Variants in CEP295 observed in about 807,000 individuals in gnomAD.
CEP295 encodes centrosomal protein 295.
Under a neutral mutation model 291.6 loss-of-function variants are expected in CEP295, and 190 were observed. The ratio of observed to expected loss-of-function variants is 0.65; its 90% CI spans 0.58 to 0.73. The LOEUF (loss-of-function observed/expected upper bound fraction) is 0.73. Ranked by LOEUF, CEP295 falls within the 30% of genes least tolerant of loss-of-function variation. CEP295 has a pLI of 0.00. For missense variants in CEP295, 2,863 were observed against 2,949.4 expected, an observed-to-expected ratio of 0.97 and a Z score of 0.68; for synonymous variants, 993 against 1,038.8, an observed-to-expected ratio of 0.96 and a Z score of 0.85.
chr11:93,664,078 G>T (rs1208181149), intron 1 of CEP295, among the ~76,000 whole-genome samples: 2 of 151,868 alleles, frequency 1.3e-5, no homozygotes, highest in African/African-American at 4.8e-5. Flanking sequence ...ACTTTTTTGT[G>T]TCTGGCTTTT....
At chr11:93,729,398 TA>T in intron 25 of CEP295, 35 bp from the exon 26 acceptor site, 2 of 1,425,114 alleles carry the variant, frequency 1.4e-6, no homozygotes, top group South Asian at 2.5e-5. Context: ...TTAAAGCGTT[TA>T]AAAAGAGTAA....
chr11:93,695,926 G>A (rs1042009777), intron 13 of CEP295, among the ~76,000 whole-genome samples: 3 of 152,070 alleles, frequency 2.0e-5, no homozygotes, highest in African/African-American at 4.8e-5. Flanking sequence ...CAGGAGAATC[G>A]CTTGAACCTG....
intron 10 of CEP295, among the ~76,000 whole-genome samples, chr11:93,690,255 C>A (rs528380466): frequency 6.6e-6 from 1 of 152,042 alleles, no homozygotes; most frequent in Non-Finnish European, 1.5e-5. Flanking sequence ...ACTAAAAATA[C>A]AAAAGATTAG....
At chr11:93,721,803 T>G (rs534976806) in intron 19 of CEP295, 151 bp from the exon 20 acceptor site, 26 of 721,712 alleles carry the variant, frequency 3.6e-5, no homozygotes, top group Non-Finnish European at 5.6e-5. Flanking sequence ...TTCTGGGCAA[T>G]GATGAAAAGG....
Position 93,691,788 on chromosome 11 carries a change from A to G in CEP295, c.1429+13A>G, listed in dbSNP as rs1289228451. ...GGAAAAGAACAAGGTATTTCTTTTT[A>G]TCACATCCTCAAATTAAATTTGACT... On this transcript the variant is annotated intron_variant, in intron 11 of 29. Transcript: ENST00000325212. 3 of 1,483,162 alleles carry G rather than the reference A, an allele frequency of 2.0e-6. No individual in the cohort carries two copies. The Admixed American group carries it at 6.4e-5, about 32-fold the overall frequency. 91.9% of individuals were successfully genotyped at this position (1,483,162 alleles called of 1,614,324 possible).
In CEP295 at chr11:93,702,763, A is replaced by AT. The variant is rs1311618704; in HGVS notation, c.5453-11dup. On this transcript the variant is annotated splice_polypyrimidine_tract_variant and intron_variant, in intron 16 of 29. Coordinates refer to ENST00000325212, the MANE Select transcript of CEP295 (RefSeq NM_033395.2). ...ATTTTGTATTGTATCCAACTTTGTCATTGACTTAATAGGTGAGCATCTGGA... is the reference window on the plus strand; with the variant it reads ...ATTTTGTATTGTATCCAACTTTGTCATTTGACTTAATAGGTGAGCATCTGGA... 1.3e-6 allele frequency: 2 copies of AT among 1,549,990 alleles called. No individual in the cohort carries two copies. Among genetic ancestry groups the AT allele is most frequent in the Non-Finnish European group, 1.7e-6 (2 of 1,146,512 alleles).
In CEP295 at chr11:93,687,674, C is replaced by A. The variant is rs1591025201; in HGVS notation, c.1145C>A (p.Pro382His). The A allele has an allele frequency of 6.5e-7, 1 of 1,537,430 alleles. No individual in the cohort carries two copies. Among genetic ancestry groups the A allele is most frequent in the East Asian group, 2.5e-5 (1 of 40,814 alleles). Reference sequence around the variant, plus strand: ...TTGGTAATGAAGACCCAACAGATTCCTTCAAAAGTTCTTTTTAAAAAATTA... The same window carrying A: ...TTGGTAATGAAGACCCAACAGATTCATTCAAAAGTTCTTTTTAAAAAATTA... Reference protein sequence around the residue: ...VPLVMKTQQIPSKVLFKKLLN... With the variant: ...VPLVMKTQQIHSKVLFKKLLN... Residue 382 changes from proline to histidine, a missense_variant, in exon 10 of 30, where the codon CCT becomes CAT. Physicochemically the swap from Pro to His is moderately conservative, Grantham distance 77. Around this residue, in one of 3 missense-constraint regions of CEP295, gnomAD observed 554 missense variants for 576.0 expected, o/e 0.96. Transcript: ENST00000325212.
At chr11:93,694,444 AT>A (rs1192601893) in intron 12 of CEP295, among the ~76,000 whole-genome samples, 2 of 152,030 alleles carry the variant, frequency 1.3e-5, no homozygotes, top group African/African-American at 4.8e-5. Flanking sequence ...TCAGCGTATA[AT>A]TTTTTTTCTT....
intron 18 of CEP295, among the ~76,000 whole-genome samples, chr11:93,716,137 C>T (rs1006438959): frequency 2.0e-5 from 3 of 152,114 alleles, no homozygotes; most frequent in African/African-American, 7.2e-5. Context: ...TAAATTTAGC[C>T]CGTAGTGACA....
At chr11:93,712,084 G>T (rs1176026856) in intron 18 of CEP295, among the ~76,000 whole-genome samples, 2 of 152,000 alleles carry the variant, frequency 1.3e-5, no homozygotes, top group Non-Finnish European at 2.9e-5. Flanking sequence ...CTGGGGTCTA[G>T]CTATCTCTTT....
chr11:93,665,871 A>T (rs1422680266), intron 1 of CEP295, among the ~76,000 whole-genome samples: 1 of 152,212 alleles, frequency 6.6e-6, no homozygotes, highest in African/African-American at 2.4e-5. Flanking sequence ...TTGGTGATCA[A>T]GTTATATGCA....
In CEP295 at chr11:93,698,178, T is replaced by TG. The variant is rs1951948298; in HGVS notation, c.3271dup (p.Asp1091GlyfsTer3). ...TTACTTTTACATAGACAAAGAGATT[T>TG]GGGGGACAGTAAGTCTGGGCTGGTG... On this transcript the variant is annotated frameshift_variant, in exon 15 of 30. Coordinates refer to ENST00000325212, the MANE Select transcript of CEP295 (RefSeq NM_033395.2). LOFTEE classifies it high-confidence loss of function. 3.9e-6 allele frequency: 6 copies of TG among 1,552,078 alleles called. No individual in the cohort carries two copies. The highest frequency in any genetic ancestry group is 4.4e-6 in the Non-Finnish European group (5 of 1,147,066).
intron 18 of CEP295, 111 bp downstream of exon 18, chr11:93,707,008 C>A: frequency 1.1e-6 from 1 of 890,346 alleles, no homozygotes; most frequent in Non-Finnish European, 1.6e-6. Context: ...TTAGTTACTG[C>A]TGTTAATGGA....
Position 93,675,587 on chromosome 11 carries a change from G to T in CEP295, c.545G>T (p.Arg182Ile). The T allele has an allele frequency of 1.3e-6, 2 of 1,494,222 alleles. No individual in the cohort carries two copies. The highest frequency in any genetic ancestry group is 8.9e-7 in the Non-Finnish European group (1 of 1,122,842). 92.6% of individuals were successfully genotyped at this position (1,494,222 alleles called of 1,614,324 possible). A position where few individuals can be genotyped will look rare whatever the true frequency, so the allele number is the denominator to read the frequency against. The change falls in exon 6 of 30, where the codon AGA becomes ATA. Residue 182 changes from arginine to isoleucine, a missense_variant. Physicochemically the swap from Arg to Ile is moderately conservative, Grantham distance 97. This residue lies in a region of CEP295 where 554 missense variants were observed against 576.0 expected (regional missense o/e 0.96). Transcript: ENST00000325212. ...CTTTTCCAGAACATCGAAGTAAAAA[G>T]AATTTCTGCAGTCAAAACCAATAGT... is the stretch of plus-strand genomic sequence containing the variant. Reference protein sequence around the residue: ...PTLFENIEVKRISAVKTNSST... With the variant: ...PTLFENIEVKIISAVKTNSST...
At chr11:93,663,242 G>C (rs1180815496) in intron 1 of CEP295, among the ~76,000 whole-genome samples, 1 of 152,178 alleles carries the variant, frequency 6.6e-6, no homozygotes, top group East Asian at 1.9e-4. Flanking sequence ...GGTTCTTGCT[G>C]AACATTTCTT....
intron 10 of CEP295, 130 bp downstream of exon 10, chr11:93,687,995 A>G: frequency 1.8e-6 from 1 of 566,810 alleles, no homozygotes. Context: ...AAAGCAACAA[A>G]GAAACATTAT....
Position 93,699,523 on chromosome 11 carries a change from G to A in CEP295, c.4611G>A (p.Leu1537=). The A allele has an allele frequency of 1.3e-6, 2 of 1,551,816 alleles. No homozygotes were observed. Among genetic ancestry groups the A allele is most frequent in the Non-Finnish European group, 1.7e-6 (2 of 1,147,058 alleles). ...TGCTTTTGCAAAGATTAAGTGAATT[G>A]GAGAAAAGGGTATCATCTGAACAAG... is the stretch of plus-strand genomic sequence containing the variant. ...EELLLQRLSE[L]EKRVSSEQVC... is the part of the protein sequence containing the mutation. The change falls in exon 15 of 30, where the codon TTG becomes TTA. Residue 1537 remains leucine, a synonymous_variant. Transcript: ENST00000325212.
intron 12 of CEP295, among the ~76,000 whole-genome samples, chr11:93,693,880 A>T (rs952243886): frequency 2.6e-5 from 4 of 152,402 alleles, no homozygotes; most frequent in African/African-American, 9.6e-5. Context: ...TGTTAGCCAC[A>T]TGGGCTGTTG....
At chr11:93,678,095 T>C (rs1388895642) in intron 6 of CEP295, among the ~76,000 whole-genome samples, 1 of 152,196 alleles carries the variant, frequency 6.6e-6, no homozygotes, top group Admixed American at 6.5e-5. Flanking sequence ...ATTCATGTTG[T>C]ATGCTATTTT....
Sources: allele counts gnomAD v4.1 joint callset (sites outside exome capture counted in the v4.1 genomes callset), GRCh38; gene constraint gnomAD v4.1.1; regional missense constraint gnomAD v4.1.1; transcripts MANE v1.5; gene names NCBI Gene and HGNC (gene_info 2026-07-23, HGNC 2026-07-21).